The following TPRG1 variants were observed in gnomAD, a reference collection of about 807,000 sequenced individuals.
The protein encoded by TPRG1 is tumor protein p63-regulated gene 1 protein.
In TPRG1, 29 loss-of-function variants were observed where a neutral mutation model predicts 29.3. That is an observed-to-expected ratio of 0.99 (90% CI 0.74 to 1.35). TPRG1 has a LOEUF of 1.35. Among genes scored for constraint, TPRG1 ranks in the 40% most tolerant of loss-of-function variants. The pLI is 0.00. For missense variants in TPRG1, 327 were observed against 335.0 expected (o/e 0.98, Z 0.19); for synonymous variants, 130 against 116.8 (o/e 1.11, Z -0.73).
At chr3:189,260,372 T>A (rs890332047) in intron 4 of TPRG1, among the ~76,000 whole-genome samples, 1 of 152,258 alleles carries the variant, frequency 6.6e-6, no homozygotes, top group Admixed American at 6.5e-5. Flanking sequence ...CTCCCCTTGC[T>A]GAATCTCCTC....
intron 3 of TPRG1, among the ~76,000 whole-genome samples, chr3:189,140,934 C>G (rs1372385122): frequency 1.3e-5 from 2 of 152,172 alleles, no homozygotes; most frequent in Non-Finnish European, 2.9e-5. Flanking sequence ...TGCTGTATCA[C>G]CAGCCTGCAA....
intron 2 of TPRG1, among the ~76,000 whole-genome samples, chr3:189,210,674 G>A (rs1351515790): frequency 1.3e-5 from 2 of 152,176 alleles, no homozygotes; most frequent in African/African-American, 4.8e-5. Flanking sequence ...GAGCGTGAGT[G>A]AGCTAATCAA....
chr3:189,125,868 TG>T (rs1722416180), intron 1 of TPRG1, among the ~76,000 whole-genome samples: 1 of 115,356 alleles, frequency 8.7e-6, no homozygotes, highest in Non-Finnish European at 1.7e-5. Context: ...TGTGTGTGTG[TG>T]TGTTTGGTAT....
intron 4 of TPRG1, among the ~76,000 whole-genome samples, chr3:189,077,845 T>C (rs900768145): frequency 1.3e-5 from 2 of 152,192 alleles, no homozygotes; most frequent in African/African-American, 2.4e-5. Flanking sequence ...CTGTTAGCTT[T>C]GCATTTGTAC....
At chr3:189,205,732 G>T (rs1578814494) in intron 1 of TPRG1, among the ~76,000 whole-genome samples, 1 of 152,284 alleles carries the variant, frequency 6.6e-6, no homozygotes, top group East Asian at 1.9e-4. Flanking sequence ...GAAAGGATTT[G>T]AGTGCACAGG....
At chr3:189,187,181 T>C (rs1437592893) in intron 1 of TPRG1, among the ~76,000 whole-genome samples, 1 of 151,842 alleles carries the variant, frequency 6.6e-6, no homozygotes, top group Admixed American at 6.6e-5. Context: ...AGAGACGGGG[T>C]TTTGCCATGT....
At chr3:189,301,572 T>G (rs6805438) in intron 4 of TPRG1, among the ~76,000 whole-genome samples, 10,891 of 152,102 alleles carry the variant, frequency 0.072, 478 homozygotes, top group African/African-American at 0.13. Flanking sequence ...TTTCCTCCAT[T>G]TTTTTTCTTC....
intron 5 of TPRG1, among the ~76,000 whole-genome samples, chr3:189,317,874 G>A (rs1178963729): frequency 1.3e-5 from 2 of 152,152 alleles, no homozygotes; most frequent in Admixed American, 1.3e-4. Flanking sequence ...TCAGAGAGGA[G>A]GGTTGAGGCA....
At chr3:189,095,528 C>T (rs1051133058), upstream of TPRG1, among the ~76,000 whole-genome samples, 1 of 152,112 alleles carries the variant, frequency 6.6e-6, no homozygotes, top group African/African-American at 2.4e-5. Context: ...CATCAGTCTC[C>T]GTTCTTTAAA....
intron 1 of TPRG1, among the ~76,000 whole-genome samples, chr3:189,120,985 G>T (rs1721762366): frequency 6.6e-6 from 1 of 152,178 alleles, no homozygotes; most frequent in South Asian, 2.1e-4. Context: ...GTGTGGGAAA[G>T]CTAAAGGTAA....
At chr3:189,253,632 G>T (rs950684038) in intron 4 of TPRG1, among the ~76,000 whole-genome samples, 1 of 152,070 alleles carries the variant, frequency 6.6e-6, no homozygotes, top group African/African-American at 2.4e-5. Flanking sequence ...GGGATTTCTG[G>T]GTCAAATGCT....
At chr3:189,265,226 T>C (rs1713852119) in intron 4 of TPRG1, among the ~76,000 whole-genome samples, 2 of 152,144 alleles carry the variant, frequency 1.3e-5, no homozygotes, top group Admixed American at 1.3e-4. Context: ...ATGTGAGTTG[T>C]GGAACTGGTA....
chr3:189,010,834 C>T (rs1271676205), intron 3 of TPRG1, among the ~76,000 whole-genome samples: 1 of 152,238 alleles, frequency 6.6e-6, no homozygotes, highest in Non-Finnish European at 1.5e-5. Context: ...GAACTCTTTA[C>T]CCATGCCTAT....
At chr3:189,027,354 T>C (rs2152127958) in intron 4 of TPRG1, among the ~76,000 whole-genome samples, 2 of 152,362 alleles carry the variant, frequency 1.3e-5, no homozygotes, top group South Asian at 2.1e-4. Context: ...CCTTTGCTTC[T>C]AAAAGATGCA....
At chr3:189,122,593 A>G (rs1721957219) in intron 1 of TPRG1, among the ~76,000 whole-genome samples, 1 of 152,248 alleles carries the variant, frequency 6.6e-6, no homozygotes, top group South Asian at 2.1e-4. Context: ...AGTTTGAGCT[A>G]GAAGAAAACT....
At chr3:189,267,995 A>G (rs547720209) in intron 4 of TPRG1, among the ~76,000 whole-genome samples, 102 of 152,324 alleles carry the variant, frequency 6.7e-4, no homozygotes, top group African/African-American at 2.4e-3. Flanking sequence ...GAGAGGTTAC[A>G]TATAAGATTC....
At chr3:189,118,886 G>A (rs1489415596) in intron 1 of TPRG1, among the ~76,000 whole-genome samples, 3 of 152,232 alleles carry the variant, frequency 2.0e-5, no homozygotes, top group African/African-American at 7.2e-5. Flanking sequence ...AGTGTGGAAG[G>A]AAAATGTGGG....
intron 1 of TPRG1, among the ~76,000 whole-genome samples, chr3:189,108,458 A>G (rs1351465857): frequency 6.6e-6 from 1 of 152,084 alleles, no homozygotes; most frequent in Non-Finnish European, 1.5e-5. Context: ...ATGTGAATTA[A>G]TTACTTTTTC....
chr3:189,111,617 TATG>T (rs1007668198), intron 1 of TPRG1, among the ~76,000 whole-genome samples: 1 of 152,184 alleles, frequency 6.6e-6, no homozygotes, highest in African/African-American at 2.4e-5. Context: ...ATTTTCAACT[TATG>T]ATATTTTTTA....
Sources: allele counts gnomAD v4.1 joint callset (sites outside exome capture counted in the v4.1 genomes callset), GRCh38; gene constraint gnomAD v4.1.1; transcripts MANE v1.5; gene names NCBI Gene and HGNC (gene_info 2026-07-23, HGNC 2026-07-21).